TSBP1: variants seen among roughly 807,000 people sequenced by gnomAD.
The protein encoded by TSBP1 is testis expressed basic protein 1, also known as testis-expressed basic protein 1.
TSBP1 carries 56 observed loss-of-function variants against 68.8 expected under a neutral mutation model. The observed-to-expected ratio is 0.81, with a 90% confidence interval of 0.66 to 1.02. The LOEUF is 1.02. Among genes scored for constraint, TSBP1 ranks in the 50% least tolerant of loss-of-function variants. TSBP1 has a pLI of 0.00. For synonymous variants in TSBP1, 171 were observed against 208.7 expected (o/e 0.82, Z 1.56); for missense variants, 502 against 641.2 (o/e 0.78, Z 2.34).
intron 9 of TSBP1, among the ~76,000 whole-genome samples, chr6:32,342,937 G>C (rs573738805): frequency 6.6e-6 from 1 of 152,296 alleles, no homozygotes; most frequent in African/African-American, 2.4e-5. Context: ...TAAAGATGTA[G>C]AAGAGAGAAG....
In TSBP1 at chr6:32,295,103, A is replaced by G. The variant is rs117900424; in HGVS notation, c.638-1068T>C. On this transcript the variant is annotated intron_variant, in intron 22 of 22. Coordinates refer to ENST00000612031, the Ensembl canonical transcript of TSBP1. Reference sequence around the variant, plus strand: ...GTAATCCCAGCACCTTGGGAGGCCAAAGTGGGCGGATCACTTGAGGTTGGG... The same window carrying G: ...GTAATCCCAGCACCTTGGGAGGCCAGAGTGGGCGGATCACTTGAGGTTGGG... Among the ~76,000 whole-genome samples, 493 of 152,246 alleles carry G rather than the reference A, an allele frequency of 3.2e-3. 15 individuals are homozygous for G. The East Asian group carries it at 0.069, about 21-fold the overall frequency.
At chr6:32,311,699 G>A (rs1433937108) in intron 19 of TSBP1, among the ~76,000 whole-genome samples, 2 of 152,162 alleles carry the variant, frequency 1.3e-5, no homozygotes, top group African/African-American at 4.8e-5. Flanking sequence ...ACAAAGGAAT[G>A]GTGTTGTAGG....
intron 9 of TSBP1, among the ~76,000 whole-genome samples, chr6:32,348,340 A>G (rs902671880): frequency 4.6e-5 from 7 of 152,230 alleles, no homozygotes; most frequent in Non-Finnish European, 1.0e-4. Context: ...TGTTTTAATT[A>G]TAAAAGTAAT....
At chr6:32,309,715 C>T (rs976254208) in intron 19 of TSBP1, among the ~76,000 whole-genome samples, 1 of 152,012 alleles carries the variant, frequency 6.6e-6, no homozygotes, top group Non-Finnish European at 1.5e-5. Flanking sequence ...AACTGAATAT[C>T]ACCTTAAGCA....
chr6:32,310,212 A>ATGGC (rs897266809), intron 19 of TSBP1, among the ~76,000 whole-genome samples: 4 of 137,948 alleles, frequency 2.9e-5, no homozygotes, highest in Non-Finnish European at 6.4e-5. Context: ...TTGCTTTTTA[A>ATGGC]TGTCTGTCAG....
chr6:32,345,320 T>C (rs4959093), intron 9 of TSBP1, among the ~76,000 whole-genome samples: 51,055 of 151,920 alleles, frequency 0.34, 9,642 homozygotes, highest in Middle Eastern at 0.52. Flanking sequence ...AACTGAAATA[T>C]GGTTCCTGGA....
At chr6:32,370,650 A>C (rs1374058140) in intron 1 of TSBP1, among the ~76,000 whole-genome samples, 1 of 151,938 alleles carries the variant, frequency 6.6e-6, no homozygotes, top group Non-Finnish European at 1.5e-5. Context: ...CCTGATGATA[A>C]GATGGATATT....
intron 9 of TSBP1, among the ~76,000 whole-genome samples, chr6:32,344,465 A>G (rs554756891): frequency 1.1e-4 from 17 of 152,090 alleles, no homozygotes; most frequent in Non-Finnish European, 2.2e-4. Context: ...AAAGAGGTAA[A>G]TAAGGAGGAC....
chr6:32,363,998 T>A (rs1319681886), intron 6 of TSBP1, among the ~76,000 whole-genome samples: 1 of 152,200 alleles, frequency 6.6e-6, no homozygotes, highest in African/African-American at 2.4e-5. Flanking sequence ...AAAACAGCTT[T>A]ACGGGTAAAG....
In TSBP1 at chr6:32,306,584, A is replaced by G. The variant is rs1393229601; in HGVS notation, c.581-3955T>C. 6.6e-6 allele frequency among the ~76,000 whole-genome samples: 1 copy of G among 152,234 alleles called. No individual in the cohort carries two copies. The highest frequency in any genetic ancestry group is 1.5e-5 in the Non-Finnish European group (1 of 68,040). Reference sequence around the variant, plus strand: ...TGGTTACTTACATTTATGTGTATCAATATTGTAAAAATCAGCACTAAAATT... The same window carrying G: ...TGGTTACTTACATTTATGTGTATCAGTATTGTAAAAATCAGCACTAAAATT... On this transcript the variant is annotated intron_variant, in intron 19 of 22. Coordinates refer to ENST00000612031, the Ensembl canonical transcript of TSBP1. The surrounding 1 kb of genome is among the most constrained non-coding windows in gnomAD (Gnocchi z 5.1).
In TSBP1 at chr6:32,332,589, AC is replaced by A. The variant is rs1769167633; in HGVS notation, c.473-536del. 1.3e-5 allele frequency among the ~76,000 whole-genome samples: 2 copies of A among 149,832 alleles called. 1 individual carries two copies. Among genetic ancestry groups the A allele is most frequent in the Non-Finnish European group, 3.0e-5 (2 of 67,452 alleles). On this transcript the variant is annotated intron_variant, in intron 14 of 22. Transcript: ENST00000612031. ...AGTCTGTGAGCAAAGAGTCAACAAA[AC>A]CTTCTGTTTTTTTTTGTTTTGTTTT...
intron 22 of TSBP1, among the ~76,000 whole-genome samples, chr6:32,296,124 G>C (rs1054799201): frequency 1.3e-5 from 2 of 152,048 alleles, no homozygotes; most frequent in Admixed American, 6.5e-5. Context: ...GATTACAGGC[G>C]TGAGCCACCA....
At chr6:32,303,685 T>TA in intron 19 of TSBP1, among the ~76,000 whole-genome samples, 1 of 152,218 alleles carries the variant, frequency 6.6e-6, no homozygotes, top group East Asian at 1.9e-4. Flanking sequence ...GCCTGATTGT[T>TA]ATGAGAGGCA....
exon 23 of TSBP1, chr6:32,293,109 T>G (rs769311941): frequency 1.2e-6 from 2 of 1,600,524 alleles, no homozygotes; most frequent in African/African-American, 2.7e-5. Context: ...TTGTCACCTT[T>G]TGTGTTTTTG....
intron 18 of TSBP1, among the ~76,000 whole-genome samples, chr6:32,317,418 A>T (rs528089438): frequency 1.3e-5 from 2 of 152,322 alleles, no homozygotes; most frequent in East Asian, 3.9e-4. Context: ...CATGATGAAG[A>T]CAACAAAAGC....
At position 32,308,546 on chromosome 6, in the gene TSBP1, C is replaced by T. The variant is rs957516473; in HGVS notation, c.581-5917G>A. Among the ~76,000 whole-genome samples, 7 of 141,616 alleles carry T rather than the reference C, an allele frequency of 4.9e-5. No individual in the cohort carries two copies. The East Asian group carries it at 1.0e-3, about 21-fold the overall frequency. The allele number at this position is 141,616 out of a possible 152,430, so 92.9% of individuals were successfully genotyped here. On this transcript the variant is annotated intron_variant, in intron 19 of 22. Coordinates refer to ENST00000612031, the Ensembl canonical transcript of TSBP1. ...CCGGGAGGCGGAGCTTGCAGTGAGC[C>T]GAGATCCCGCCACTGCACTCCAGCC...
chr6:32,367,821 A>T, intron 4 of TSBP1, 104 bp downstream of exon 4: 1 of 816,694 alleles, frequency 1.2e-6, no homozygotes, highest in Non-Finnish European at 2.0e-6. Flanking sequence ...TAAAAACGAA[A>T]GATATGCTGA....
At chr6:32,293,218 T>G in exon 23 of TSBP1, 2 of 1,612,916 alleles carry the variant, frequency 1.2e-6, no homozygotes, top group South Asian at 2.2e-5. Context: ...TTTCTTGGGC[T>G]TCCTGTCCTT....
chr6:32,358,139 AGT>A (rs1772549641), intron 6 of TSBP1, among the ~76,000 whole-genome samples: 1 of 152,208 alleles, frequency 6.6e-6, no homozygotes, highest in African/African-American at 2.4e-5. Flanking sequence ...ACTAACATAT[AGT>A]AGGTGCTGAG....
Sources: gnomAD v4.1 joint callset for allele counts (sites outside exome capture counted in the v4.1 genomes callset) on GRCh38, gnomAD v4.1.1 for gene constraint, Gnocchi (gnomAD v3.1) non-coding constraint, MANE v1.5 for transcripts, NCBI Gene and HGNC (gene_info 2026-07-23, HGNC 2026-07-21) for gene names.